Variants in FAU observed in about 807,000 individuals in gnomAD.
FAU encodes ubiquitin-like FUBI-ribosomal protein eS30 fusion protein.
For missense variants in FAU, 125 were observed against 173.9 expected (o/e 0.72, Z 1.58); for synonymous variants, 70 against 69.9 (o/e 1.00, Z -0.01).
intron 3 of FAU, 84 bp from the exon 4 acceptor site, chr11:65,121,120 T>TAATA: frequency 1.4e-6 from 2 of 1,416,046 alleles, no homozygotes; most frequent in Non-Finnish European, 9.9e-7. Context: ...TTCAAGCCTT[T>TAATA]AAAGAGAAGC....
In FAU at chr11:65,121,336, G is replaced by A. The variant is rs1948044975; in HGVS notation, c.220+164C>T. 1.1e-5 allele frequency: 10 copies of A among 947,964 alleles called. No individual in the cohort carries two copies. In the South Asian group the frequency reaches 1.5e-4, roughly 14 times the overall value. The allele number at this position is 947,964 out of a possible 1,614,324, so 58.7% of individuals were successfully genotyped here. On this transcript the variant is annotated intron_variant, in intron 3 of 4. Transcript: ENST00000529639. ...CACTCTGGCTCAGTCTCCCATGGAC[G>A]TCTGTGTTCAACATGAGGGATGTAA...
chr11:65,120,817 G>A lies in FAU; in HGVS notation c.277-11C>T, dbSNP rs747175454. 1 of 1,614,010 alleles carries A rather than the reference G, an allele frequency of 6.2e-7. No individual in the cohort carries two copies. The highest frequency in any genetic ancestry group is 1.1e-5 in the South Asian group (1 of 91,066). ...CTCCTGTTTGGCCACCTGGAGAAGGGAAGGTTAATCAGGCCCTGGTTCCTG... is the reference window on the plus strand; with the variant it reads ...CTCCTGTTTGGCCACCTGGAGAAGGAAAGGTTAATCAGGCCCTGGTTCCTG... On this transcript the variant is annotated splice_polypyrimidine_tract_variant and intron_variant, in intron 4 of 4. Transcript: ENST00000529639.
chr11:65,121,899 T>C, intron 1 of FAU, 78 bp from the exon 2 acceptor site: 4 of 1,461,790 alleles, frequency 2.7e-6, no homozygotes, highest in Non-Finnish European at 2.8e-6. Context: ...TGGAAAGCGG[T>C]CCAGAAACGA....
In FAU at chr11:65,120,978, C is replaced by T; in HGVS notation, c.276+3G>A. ...CACCATGACCACTAATACTCTCACTCACCTTAGGAGTCTGACCTCTCACTT... is the reference window on the plus strand; with the variant it reads ...CACCATGACCACTAATACTCTCACTTACCTTAGGAGTCTGACCTCTCACTT... On this transcript the variant is annotated splice_donor_region_variant and intron_variant, in intron 4 of 4. Transcript: ENST00000529639. The T allele has an allele frequency of 1.2e-6, 2 of 1,614,086 alleles. No homozygotes were observed. The highest frequency in any genetic ancestry group is 1.7e-6 in the Non-Finnish European group (2 of 1,179,992).
At position 65,121,484 on chromosome 11, in the gene FAU, T is replaced by C. The variant is rs1233557172; in HGVS notation, c.220+16A>G. 6.2e-7 allele frequency: 1 copy of C among 1,610,664 alleles called. No individual in the cohort carries two copies. The highest frequency in any genetic ancestry group is 1.3e-5 in the African/African-American group (1 of 74,928). ...ACGCTTACCGGTACTTCAAAGAACA[T>C]TCCTCTCTCACTCACCTCCAAGCAT... On this transcript the variant is annotated intron_variant, in intron 3 of 4. Transcript: ENST00000529639.
In FAU at chr11:65,120,701, CCTT is replaced by C. The variant is rs755428534; in HGVS notation, c.379_381del (p.Lys127del). The C allele has an allele frequency of 6.2e-7, 1 of 1,614,020 alleles. No homozygotes were observed. On this transcript the variant is annotated inframe_deletion, in exon 5 of 5. Coordinates refer to ENST00000529639, the MANE Select transcript of FAU (RefSeq NM_001997.5). The stretch of plus-strand genomic sequence containing the variant: ...AAGACTTAAGAGTTGGCATTGGGGC[CCTT>C]CTTCTTGCCAAAGGTGGGCACAACG...
In FAU at chr11:65,121,779, G is replaced by A. The variant is rs201327643; in HGVS notation, c.35C>T (p.Thr12Ile). 16 of 1,614,130 alleles carry A rather than the reference G, an allele frequency of 9.9e-6. No individual in the cohort carries two copies. Among genetic ancestry groups the A allele is most frequent in the East Asian group, 4.5e-5 (2 of 44,890 alleles). ...CGTTTCCTGGCCGGTCACCTCGAAG[G>A]TGTGTAGCTCCTGGGCGCGGACAAA... ...QLFVRAQELH[T>I]FEVTGQETVA... The change falls in exon 2 of 5, where the codon ACC (threonine) becomes ATC (isoleucine). Residue 12 changes from threonine (T) to isoleucine (I), a missense_variant. Transcript: ENST00000529639.
Position 65,120,966 on chromosome 11 carries a change from A to G in FAU, c.276+15T>C, listed in dbSNP as rs369739051. ...AAAAAGTCCTAACACCATGACCACT[A>G]ATACTCTCACTCACCTTAGGAGTCT... On this transcript the variant is annotated intron_variant, in intron 4 of 4. Transcript: ENST00000529639. 6.2e-7 allele frequency: 1 copy of G among 1,613,966 alleles called. No individual in the cohort carries two copies.
chr11:65,121,205 C>A, intron 3 of FAU, 169 bp from the exon 4 acceptor site: 1 of 814,278 alleles, frequency 1.2e-6, no homozygotes. Context: ...CAGGATCTTC[C>A]AGCTTCTAAT....
Position 65,121,601 on chromosome 11 carries a change from A to C in FAU, c.119T>G (p.Val40Gly). The change falls in exon 3 of 5, where the codon GTC (valine) becomes GGC (glycine). Residue 40 changes from valine (V) to glycine (G), a missense_variant. Physicochemically the swap from Val to Gly is moderately radical, Grantham distance 109. Coordinates refer to ENST00000529639, the MANE Select transcript of FAU (RefSeq NM_001997.5). ...CAGGGGCGCGCCTGCCAGGAGCACG[A>C]CTTGATCTTCCGGGGCAATGCCCTC... The part of the protein sequence containing the change: ...SLEGIAPEDQ[V>G]VLLAGAPLED... The C allele has an allele frequency of 6.2e-7, 1 of 1,613,958 alleles. No individual in the cohort carries two copies. Among genetic ancestry groups the C allele is most frequent in the African/African-American group, 1.3e-5 (1 of 75,024 alleles).
In FAU at chr11:65,120,638, C is replaced by A. The variant is rs9333580; in HGVS notation, c.*43G>T. ...AAGATGAAACAATGCGATGACTGAA[C>A]TAAGTGGCTTTTTTATTAGAGAAAG... On this transcript the variant is annotated 3_prime_UTR_variant, in exon 5 of 5. Transcript: ENST00000529639. The A allele has an allele frequency of 1.4e-3, 2,296 of 1,611,042 alleles. 36 individuals carry two copies. In the African/African-American group the frequency reaches 0.027, roughly 19 times the overall value.
In FAU at chr11:65,120,786, C is replaced by A. The variant is rs3202210; in HGVS notation, c.297G>T (p.Lys99Asn). 6.2e-7 allele frequency: 1 copy of A among 1,614,130 alleles called. No homozygotes were observed. Among genetic ancestry groups the A allele is most frequent in the Non-Finnish European group, 8.5e-7 (1 of 1,180,020 alleles). ...QTPKVAKQEK[K>N]KKKTGRAKRR... ...GCTTAGCCCGACCTGTCTTCTTCTT[C>A]TTCTTCTCCTGTTTGGCCACCTGGA... The change falls in exon 5 of 5, where the codon AAG (lysine) becomes AAT (asparagine). Residue 99 changes from lysine (K) to asparagine (N), a missense_variant. Transcript: ENST00000529639.
At chr11:65,121,866 C>G (rs953704629) in intron 1 of FAU, 45 bp from the exon 2 acceptor site, 2 of 1,593,982 alleles carry the variant, frequency 1.3e-6, no homozygotes, top group Non-Finnish European at 1.7e-6. Context: ...AAGAAATGCT[C>G]TGGGATAAAG....
At chr11:65,121,440 T>C (rs1196204152) in intron 3 of FAU, 60 bp downstream of exon 3, 4 of 1,578,212 alleles carry the variant, frequency 2.5e-6, no homozygotes, top group Admixed American at 3.6e-5. Context: ...GTCAGGACTA[T>C]GCACCCCACA....
Position 65,120,766 on chromosome 11 carries a change from G to C in FAU, c.317C>G (p.Ala106Gly), listed in dbSNP as rs368029934. 2 of 1,614,058 alleles carry C rather than the reference G, an allele frequency of 1.2e-6. No individual in the cohort carries two copies. The highest frequency in any genetic ancestry group is 2.7e-5 in the African/African-American group (2 of 74,924). Residue 106 changes from alanine to glycine, a missense_variant, in exon 5 of 5, where the codon GCT (alanine) becomes GGT (glycine). Physicochemically the swap from Ala to Gly is moderately conservative, Grantham distance 60 (BLOSUM62 0). Transcript: ENST00000529639. ...CCGGTTGTACTGCATCCGCCGCTTA[G>C]CCCGACCTGTCTTCTTCTTCTTCTT... Reference protein sequence around the residue: ...QEKKKKKTGRAKRRMQYNRRF... With the variant: ...QEKKKKKTGRGKRRMQYNRRF...
In FAU at chr11:65,122,095, C is replaced by A; in HGVS notation, c.-14G>T. 5.0e-6 allele frequency: 3 copies of A among 598,632 alleles called. No individual in the cohort carries two copies. Among genetic ancestry groups the A allele is most frequent in the East Asian group, 5.6e-5 (2 of 35,600 alleles). The allele number at this position is 598,632 out of a possible 1,614,324, so 37.1% of individuals were successfully genotyped here. A position where few individuals can be genotyped will look rare whatever the true frequency, so the allele number is the denominator to read the frequency against. ...AGCCAAGGCCCCATTCTTACCTGAA[C>A]GGCGGTCCCAGCTACCGCGAAGATG... On this transcript the variant is annotated 5_prime_UTR_variant, in exon 1 of 5. Transcript: ENST00000529639.
Position 65,121,597 on chromosome 11 carries a change from C to T in FAU, c.123G>A (p.Val41=). The part of the protein sequence containing the change: ...LEGIAPEDQV[V]LLAGAPLEDE... The stretch of plus-strand genomic sequence containing the variant: ...CCTCCAGGGGCGCGCCTGCCAGGAG[C>T]ACGACTTGATCTTCCGGGGCAATGC... The change falls in exon 3 of 5, where the codon GTG becomes GTA. Residue 41 remains valine, a synonymous_variant. Transcript: ENST00000529639. The T allele has an allele frequency of 6.2e-7, 1 of 1,614,020 alleles. No individual in the cohort carries two copies. The highest frequency in any genetic ancestry group is 8.5e-7 in the Non-Finnish European group (1 of 1,180,026).
At chr11:65,121,358 G>A in intron 3 of FAU, 142 bp downstream of exon 3, 1 of 1,165,126 alleles carries the variant, frequency 8.6e-7, no homozygotes, top group Non-Finnish European at 1.2e-6. Flanking sequence ...CATGAGGGAT[G>A]TAAACAGGAA....
Position 65,120,745 on chromosome 11 carries a change from T to G in FAU, c.338A>C (p.Asn113Thr). 3 of 1,614,166 alleles carry G rather than the reference T, an allele frequency of 1.9e-6. No individual in the cohort carries two copies. The South Asian group carries it at 3.3e-5, about 18-fold the overall frequency. Residue 113 changes from asparagine to threonine, a missense_variant, in exon 5 of 5, where the codon AAC becomes ACC. Asn to Thr is a moderately conservative substitution (Grantham distance 65). Coordinates refer to ENST00000529639, the MANE Select transcript of FAU (RefSeq NM_001997.5). The part of the protein sequence containing the change: ...TGRAKRRMQY[N>T]RRFVNVVPTF... ...GGGCACAACGTTGACAAAGCGCCGG[T>G]TGTACTGCATCCGCCGCTTAGCCCG...
Sources: gnomAD v4.1 joint callset for allele counts on GRCh38, gnomAD v4.1.1 for gene constraint, MANE v1.5 for transcripts, NCBI Gene and HGNC (gene_info 2026-07-23, HGNC 2026-07-21) for gene names.